Variants in KLC2 observed in about 807,000 individuals in gnomAD.
KLC2 encodes kinesin light chain 2.
Under a neutral mutation model 75.1 loss-of-function variants are expected in KLC2, and 35 were observed. The ratio of observed to expected loss-of-function variants is 0.47; its 90% confidence interval spans 0.36 to 0.62. The LOEUF is 0.62. Among genes scored for constraint, KLC2 ranks in the 20% least tolerant of loss-of-function variants. The pLI, the probability that KLC2 is intolerant of heterozygous loss-of-function variation, is 0.00. For missense variants in KLC2, 611 were observed against 833.2 expected, an observed-to-expected ratio of 0.73 and a Z score of 3.28; for synonymous variants, 314 against 336.7, an observed-to-expected ratio of 0.93 and a Z score of 0.74.
chr11:66,267,061 C>A lies in KLC2; in HGVS notation c.*105C>A. 1 of 1,570,272 alleles carries A rather than the reference C, an allele frequency of 6.4e-7. No individual in the cohort carries two copies. The highest frequency in any genetic ancestry group is 8.6e-7 in the Non-Finnish European group (1 of 1,159,350). ...TGTCCCGCCTGTCTCTCCCACAGCC[C>A]CTGTCTTTTCTGTTCAATCTCAGGG... On this transcript the variant is annotated 3_prime_UTR_variant, in exon 16 of 16. Coordinates refer to ENST00000394067, the MANE Select transcript of KLC2 (RefSeq NM_001318734.2).
chr11:66,246,888 C>T, the KLC2 span, among the ~76,000 whole-genome samples: 1 of 152,144 alleles, frequency 6.6e-6, no homozygotes. Context: ...ACCTCCCTGG[C>T]CTCTCCTTTT....
Position 66,261,943 on chromosome 11 carries a change from C to T in KLC2, c.430C>T (p.Arg144Cys), listed in dbSNP as rs758112769. ...GCACTTGCTGTTCATGAGCCAGATC[C>T]GCAAGTTGGATGAAGACGCCTCCCC... ...KQHLLFMSQI[R>C]KLDEDASPNE... The change falls in exon 3 of 16, where the codon CGC becomes TGC. Residue 144 changes from arginine to cysteine, a missense_variant. By Grantham distance (180) the Arg-to-Cys change is radical. Transcript: ENST00000394067. 1.9e-5 allele frequency: 31 copies of T among 1,613,998 alleles called. 1 individual carries two copies. The highest frequency in any genetic ancestry group is 1.1e-4 in the South Asian group (10 of 91,084).
chr11:66,261,430 CAGGGAGAGACGA>C (rs1856407674), intron 2 of KLC2: 1 of 309,824 alleles, frequency 3.2e-6, no homozygotes, highest in Non-Finnish European at 6.1e-6. Context: ...GAGTACAACC[CAGGGAGAGACGA>C]AGGAAGGGGC....
rs1856542763 is a variant in KLC2 at position 66,262,968 on chromosome 11, G to A, written c.684G>A (p.Leu228=). Residue 228 remains leucine (L), a synonymous_variant, in exon 5 of 16, where the codon CTG becomes CTA. Transcript: ENST00000394067. ...VPLCKQALED[L]EKTSGHDHPD... The stretch of plus-strand genomic sequence containing the variant: ...TCTGCAAGCAGGCACTCGAAGACCT[G>A]GAGAAGACGTCAGGCCACGACCACC... 3 of 1,613,896 alleles carry A rather than the reference G, an allele frequency of 1.9e-6. No individual in the cohort carries two copies. The highest frequency in any genetic ancestry group is 1.6e-4 in the Middle Eastern group (1 of 6,084).
intron 11 of KLC2, 186 bp downstream of exon 11, chr11:66,265,421 CT>C: frequency 1.5e-6 from 1 of 685,976 alleles, no homozygotes; most frequent in Non-Finnish European, 2.5e-6. Context: ...GGTCTCCCAG[CT>C]TTTGGTCCTG....
chr11:66,262,231 T>G, intron 4 of KLC2, 39 bp downstream of exon 4: 2 of 1,545,036 alleles, frequency 1.3e-6, no homozygotes, highest in Non-Finnish European at 1.8e-6. Flanking sequence ...AAGGAAAGGT[T>G]GTGTGAACTC....
Position 66,267,740 on chromosome 11 carries a change from G to A in KLC2, c.*784G>A, listed in dbSNP as rs1856946717. ...TGCCTCGCCTCCCCCCACGCCTGCA[G>A]CTTCTCGCGAGGGGCGGCGACGGTC... On this transcript the variant is annotated 3_prime_UTR_variant, in exon 16 of 16. Coordinates refer to ENST00000394067, the MANE Select transcript of KLC2 (RefSeq NM_001318734.2). The A allele has an allele frequency of 2.1e-6, 1 of 466,566 alleles. No homozygotes were observed. The highest frequency in any genetic ancestry group is 2.0e-5 in the African/African-American group (1 of 48,966). 28.9% of individuals were successfully genotyped at this position (466,566 alleles called of 1,614,324 possible). A position where few individuals can be genotyped will look rare whatever the true frequency, so the allele number is the denominator to read the frequency against.
At chr11:66,248,184 T>A in the KLC2 span, among the ~76,000 whole-genome samples, 1 of 152,232 alleles carries the variant, frequency 6.6e-6, no homozygotes, top group Non-Finnish European at 1.5e-5. Flanking sequence ...TTAGAATACC[T>A]TTAGATTTAT....
chr11:66,266,595 GCT>G, intron 15 of KLC2, 105 bp downstream of exon 15: 1 of 1,247,672 alleles, frequency 8.0e-7, no homozygotes, highest in South Asian at 1.2e-5. Flanking sequence ...ACAGTTCCTG[GCT>G]CTGTCTCAGG....
rs1565175556 is a variant in KLC2, at chr11:66,265,734, G to C, written c.1414G>C (p.Glu472Gln). ...QGKLEAAHTL[E>Q]DCASRNRKQG... ...CAAGCTGGAAGCCGCGCACACACTA[G>C]AGGACTGTGCCAGCCGTAACCGCAA... The change falls in exon 12 of 16, where the codon GAG becomes CAG. Residue 472 changes from glutamate to glutamine, a missense_variant. By Grantham distance (29) the Glu-to-Gln change is conservative. Coordinates refer to ENST00000394067, the MANE Select transcript of KLC2 (RefSeq NM_001318734.2). The C allele has an allele frequency of 1.2e-6, 2 of 1,613,640 alleles. No homozygotes were observed. The highest frequency in any genetic ancestry group is 1.7e-6 in the Non-Finnish European group (2 of 1,179,922).
In KLC2 at chr11:66,267,161, T is replaced by C; in HGVS notation, c.*205T>C. The C allele has an allele frequency of 6.5e-7, 1 of 1,545,186 alleles. No homozygotes were observed. The highest frequency in any genetic ancestry group is 8.7e-7 in the Non-Finnish European group (1 of 1,143,748). Reference sequence around the variant, plus strand: ...CCACTCCAGCTCCATCCCTTATTTATTCCTTCCAGCAGGGCCCTCTTCCCT... The same window carrying C: ...CCACTCCAGCTCCATCCCTTATTTACTCCTTCCAGCAGGGCCCTCTTCCCT... On this transcript the variant is annotated 3_prime_UTR_variant, in exon 16 of 16. Coordinates refer to ENST00000394067, the MANE Select transcript of KLC2 (RefSeq NM_001318734.2).
chr11:66,262,054 C>A (rs962186077), intron 3 of KLC2, 69 bp from the exon 4 acceptor site: 2 of 1,577,842 alleles, frequency 1.3e-6, no homozygotes, highest in Admixed American at 1.7e-5. Flanking sequence ...TTCGGCTCCA[C>A]CCCAGCCCAT....
chr11:66,259,462 G>T (rs1439604014), intron 2 of KLC2: 3 of 152,380 alleles, frequency 2.0e-5, no homozygotes, highest in Non-Finnish European at 4.4e-5. Context: ...GTAGGAAAGA[G>T]CTTGTGGTGG....
At chr11:66,252,151 T>G in the KLC2 span, among the ~76,000 whole-genome samples, 1 of 152,228 alleles carries the variant, frequency 6.6e-6, no homozygotes, top group Admixed American at 6.5e-5. Context: ...TGCCCCGTAT[T>G]TCTCATTCTT....
chr11:66,263,819 G>C (rs748630271), intron 6 of KLC2, 32 bp from the exon 7 acceptor site: 4 of 1,608,120 alleles, frequency 2.5e-6, no homozygotes, highest in Non-Finnish European at 3.4e-6. Flanking sequence ...TGCAGGGCCT[G>C]AGTCAAGAAG....
chr11:66,264,543 C>T (rs1390977436), intron 9 of KLC2, 99 bp downstream of exon 9: 18 of 909,036 alleles, frequency 2.0e-5, no homozygotes, highest in Non-Finnish European at 1.9e-5. Flanking sequence ...GGCCCTCAGG[C>T]TTTGGCCTGG....
At chr11:66,262,409 G>T in intron 4 of KLC2, 2 of 581,960 alleles carry the variant, frequency 3.4e-6, no homozygotes, top group Non-Finnish European at 6.2e-6. Context: ...CACCAGCCTG[G>T]CTTCCAGTGC....
the KLC2 span, among the ~76,000 whole-genome samples, chr11:66,250,138 C>G: frequency 3.3e-5 from 5 of 152,216 alleles, no homozygotes; most frequent in East Asian, 9.7e-4. Flanking sequence ...TTTGTATCAC[C>G]TCCTCCAAGA....
chr11:66,261,603 CAGAGA>C (rs751710651), intron 2 of KLC2, 134 bp from the exon 3 acceptor site: 138 of 605,498 alleles, frequency 2.3e-4, no homozygotes, highest in Non-Finnish European at 2.1e-4. Context: ...CCTTGACAAG[CAGAGA>C]AAAGACCTGC....
Sources: allele counts gnomAD v4.1 joint callset (sites outside exome capture counted in the v4.1 genomes callset), GRCh38; gene constraint gnomAD v4.1.1; transcripts MANE v1.5; gene names NCBI Gene and HGNC (gene_info 2026-07-23, HGNC 2026-07-21).